The following ATG7 variants were observed in gnomAD, a reference collection of about 807,000 sequenced individuals.
ATG7 encodes autophagy related 7.
A neutral mutation model predicts 82.4 loss-of-function variants in ATG7; 70 were observed. That is an observed-to-expected ratio of 0.85 (90% CI 0.70 to 1.04). The LOEUF (loss-of-function observed/expected upper bound fraction) is 1.04. Among genes scored for constraint, ATG7 ranks in the 50% least tolerant of loss-of-function variants. ATG7 has a pLI of 0.00. For synonymous variants in ATG7, 287 were observed against 313.0 expected, an observed-to-expected ratio of 0.92 and a Z score of 0.88; for missense variants, 792 against 864.3, an observed-to-expected ratio of 0.92 and a Z score of 1.05.
intron 9 of ATG7, among the ~76,000 whole-genome samples, chr3:11,325,666 C>T (rs865970803): frequency 9.7e-5 from 14 of 143,884 alleles, no homozygotes; most frequent in Admixed American, 3.4e-4. Flanking sequence ...GGCGAAACTA[C>T]ATCTCAAAAA....
rs529929330 is a variant in ATG7, at chr3:11,416,325, C to T, written c.1957-10479C>T. Among the ~76,000 whole-genome samples the T allele has an allele frequency of 9.9e-5, 15 of 152,254 alleles. No individual in the cohort carries two copies. The East Asian group carries it at 2.9e-3, about 29-fold the overall frequency. On this transcript the variant is annotated intron_variant, in intron 19 of 20. Coordinates refer to ENST00000693202, the MANE Select transcript of ATG7 (RefSeq NM_001349232.2). ...TTTGGCAGAATTCCCCCAGTGAGCCCATCTGGGCCTGGTGCTTTCTATTTG... is the reference window on the plus strand; with the variant it reads ...TTTGGCAGAATTCCCCCAGTGAGCCTATCTGGGCCTGGTGCTTTCTATTTG...
chr3:11,276,541 C>T (rs1941838732), intron 1 of ATG7, among the ~76,000 whole-genome samples: 1 of 146,424 alleles, frequency 6.8e-6, no homozygotes, highest in African/African-American at 2.7e-5. Context: ...TCCTGTACTT[C>T]CCTAAGTCAT....
chr3:11,277,167 C>T (rs1575098039), intron 1 of ATG7: 1 of 152,500 alleles, frequency 6.6e-6, no homozygotes, highest in South Asian at 2.1e-4. Context: ...GGCTCCCCTC[C>T]CTTTTTGCCT....
At chr3:11,551,076 C>T (rs1394210598) in intron 20 of ATG7, among the ~76,000 whole-genome samples, 4 of 152,100 alleles carry the variant, frequency 2.6e-5, no homozygotes, top group Non-Finnish European at 4.4e-5. Flanking sequence ...CGTAATGAGC[C>T]GAGATGGCAC....
intron 13 of ATG7, chr3:11,346,404 A>G (rs558392999): frequency 6.6e-6 from 1 of 152,330 alleles, no homozygotes; most frequent in African/African-American, 2.4e-5. Flanking sequence ...TTCTAGAAAC[A>G]TACTGCCAAA....
chr3:11,442,753 A>C (rs1349314939), intron 20 of ATG7, among the ~76,000 whole-genome samples: 9 of 143,548 alleles, frequency 6.3e-5, no homozygotes, highest in Admixed American at 1.4e-4. Flanking sequence ...AAAAAAAAAA[A>C]AAAAAAAAAA....
intron 18 of ATG7, among the ~76,000 whole-genome samples, chr3:11,377,074 TA>T (rs1422796757): frequency 6.6e-6 from 1 of 152,038 alleles, no homozygotes; most frequent in African/African-American, 2.4e-5. Flanking sequence ...AGGGAGTGGG[TA>T]AAAAATGACA....
At chr3:11,421,754 C>T (rs539565218) in intron 19 of ATG7, among the ~76,000 whole-genome samples, 1 of 152,196 alleles carries the variant, frequency 6.6e-6, no homozygotes, top group African/African-American at 2.4e-5. Flanking sequence ...CCCTGTATGG[C>T]AGCTATTGCC....
chr3:11,454,521 G>A (rs2085509992), intron 20 of ATG7, among the ~76,000 whole-genome samples: 1 of 152,208 alleles, frequency 6.6e-6, no homozygotes. Flanking sequence ...GCTGAGCCTG[G>A]CTGGGCTGAG....
At chr3:11,562,206 C>T (rs776726896), downstream of ATG7, among the ~76,000 whole-genome samples, 82 of 152,042 alleles carry the variant, frequency 5.4e-4, no homozygotes, top group Non-Finnish European at 1.0e-3. Flanking sequence ...CCTCAATGTG[C>T]GAAGCTTAAC....
At chr3:11,569,472 G>A in the ATG7 span, among the ~76,000 whole-genome samples, 1 of 152,216 alleles carries the variant, frequency 6.6e-6, no homozygotes, top group Non-Finnish European at 1.5e-5. Flanking sequence ...AAAGCAGCCC[G>A]TCCCCATGCC....
rs750828634 is a variant in ATG7 at position 11,555,752 on chromosome 3, C to T, written c.*909C>T. 2.0e-5 allele frequency: 3 copies of T among 152,260 alleles called. No individual in the cohort carries two copies. The highest frequency in any genetic ancestry group is 4.4e-5 in the Non-Finnish European group (3 of 68,096). 9.4% of individuals were successfully genotyped at this position (152,260 alleles called of 1,614,324 possible). A position where few individuals can be genotyped will look rare whatever the true frequency, so the allele number is the denominator to read the frequency against. ...GTGTGTGCAGCTGTGAGGCCCCAAC[C>T]CAGGAGAGGCCATGGCCTAGGTACC... On this transcript the variant is annotated 3_prime_UTR_variant, in exon 21 of 21. Coordinates refer to ENST00000693202, the MANE Select transcript of ATG7 (RefSeq NM_001349232.2).
In ATG7 at chr3:11,468,488, GC is replaced by G. The variant is rs1333477989; in HGVS notation, c.2079+41563del. On this transcript the variant is annotated intron_variant, in intron 20 of 20. Transcript: ENST00000693202. Reference sequence around the variant, plus strand: ...TAAGATTCTGAAGTTTTCCACAGCTGCTGGGACTTAGGCACTGGGCCACTGA... The same window carrying G: ...TAAGATTCTGAAGTTTTCCACAGCTGTGGGACTTAGGCACTGGGCCACTGA... Among the ~76,000 whole-genome samples the G allele has an allele frequency of 2.3e-4, 35 of 152,278 alleles. 1 individual carries two copies. Among genetic ancestry groups the G allele is most frequent in the Admixed American group, 1.8e-3 (28 of 15,298 alleles).
intron 7 of ATG7, among the ~76,000 whole-genome samples, chr3:11,312,131 C>T (rs1221675787): frequency 6.6e-6 from 1 of 151,766 alleles, no homozygotes; most frequent in Admixed American, 6.6e-5. Context: ...TAAAAAGAAA[C>T]CACTAAATTG....
chr3:11,281,601 T>C (rs1376969733), intron 2 of ATG7, among the ~76,000 whole-genome samples: 2 of 151,948 alleles, frequency 1.3e-5, no homozygotes, highest in African/African-American at 2.4e-5. Flanking sequence ...AGTGAAACCC[T>C]ATCTCTACTA....
rs552922202 is a variant in ATG7, at chr3:11,275,824, C to T, written c.-366+3394C>T. Among the ~76,000 whole-genome samples the T allele has an allele frequency of 9.9e-5, 15 of 152,252 alleles. No homozygotes were observed. The South Asian group carries it at 1.2e-3, about 13-fold the overall frequency. ...ATAGCCTATTCACTCCATCTCAGAC[C>T]GGCTTCAGAATGATCACTTTTGGGA... On this transcript the variant is annotated intron_variant, in intron 1 of 20. Coordinates refer to ENST00000693202, the MANE Select transcript of ATG7 (RefSeq NM_001349232.2).
chr3:11,325,889 C>T (rs1163330007), intron 9 of ATG7, among the ~76,000 whole-genome samples: 1 of 152,036 alleles, frequency 6.6e-6, no homozygotes, highest in Non-Finnish European at 1.5e-5. Flanking sequence ...CATTTAATAG[C>T]CTTTGTGTGT....
At chr3:11,404,893 TGGG>T (rs1008132427) in intron 19 of ATG7, among the ~76,000 whole-genome samples, 8 of 152,112 alleles carry the variant, frequency 5.3e-5, no homozygotes, top group African/African-American at 1.9e-4. Context: ...TACCTCCTAT[TGGG>T]TCCCTCCCAC....
chr3:11,420,377 G>T (rs530721173), intron 19 of ATG7, among the ~76,000 whole-genome samples: 20 of 152,126 alleles, frequency 1.3e-4, no homozygotes, highest in African/African-American at 4.8e-4. Context: ...TGCCCTTGCT[G>T]TTAGTTTTTC....
Sources: gnomAD v4.1 joint callset for allele counts (sites outside exome capture counted in the v4.1 genomes callset) on GRCh38, gnomAD v4.1.1 for gene constraint, MANE v1.5 for transcripts, NCBI Gene and HGNC (gene_info 2026-07-23, HGNC 2026-07-21) for gene names.